Variants in ILRUN observed in about 807,000 individuals in gnomAD.
ILRUN encodes protein ILRUN.
A neutral mutation model predicts 33.8 loss-of-function variants in ILRUN; 3 were observed. That is an observed-to-expected ratio of 0.09 (90% CI 0.04 to 0.23). The LOEUF is 0.23. ILRUN is among the 10% of genes least tolerant of loss of function. The pLI is 1.00. For missense variants in ILRUN, 210 were observed against 375.1 expected, an observed-to-expected ratio of 0.56 and a Z score of 3.64; for synonymous variants, 124 against 138.9, an observed-to-expected ratio of 0.89 and a Z score of 0.75.
At chr6:34,685,854 G>A (rs530559072) in intron 1 of ILRUN, among the ~76,000 whole-genome samples, 1 of 152,102 alleles carries the variant, frequency 6.6e-6, no homozygotes, top group East Asian at 1.9e-4. Context: ...TCAAAATTAA[G>A]CTCCACAAAA....
intron 1 of ILRUN, among the ~76,000 whole-genome samples, chr6:34,678,348 AT>A (rs1403382643): frequency 6.6e-6 from 1 of 151,896 alleles, no homozygotes; most frequent in African/African-American, 2.4e-5. Context: ...GCTCTAATTT[AT>A]TTTTATTTTT....
At chr6:34,605,505 T>C (rs990717523) in intron 4 of ILRUN, among the ~76,000 whole-genome samples, 5 of 151,734 alleles carry the variant, frequency 3.3e-5, no homozygotes, top group Admixed American at 3.3e-4. Context: ...GGTGGGCACC[T>C]GTAATCCCAG....
At chr6:34,624,388 AT>A (rs1383523912) in intron 3 of ILRUN, among the ~76,000 whole-genome samples, 2 of 152,008 alleles carry the variant, frequency 1.3e-5, no homozygotes, top group African/African-American at 2.4e-5. Flanking sequence ...CAATAGTGTG[AT>A]GTCGGCTGAC....
chr6:34,596,685 C>T (rs771378731), intron 4 of ILRUN, among the ~76,000 whole-genome samples: 11 of 152,098 alleles, frequency 7.2e-5, no homozygotes, highest in Non-Finnish European at 1.0e-4. Context: ...TGAGAATGAG[C>T]GTGAGAACCA....
At chr6:34,614,148 T>C (rs932135285) in intron 3 of ILRUN, among the ~76,000 whole-genome samples, 1 of 152,022 alleles carries the variant, frequency 6.6e-6, no homozygotes, top group Admixed American at 6.6e-5. Flanking sequence ...CCTGGCTGGG[T>C]GCGGTGGCTC....
chr6:34,683,514 A>ATATGTG (rs1562033377), intron 1 of ILRUN, among the ~76,000 whole-genome samples: 1 of 65,964 alleles, frequency 1.5e-5, no homozygotes, highest in African/African-American at 1.2e-4. Flanking sequence ...ATATATATAT[A>ATATGTG]CATATATATA....
intron 4 of ILRUN, among the ~76,000 whole-genome samples, chr6:34,599,216 T>C (rs1045115250): frequency 1.3e-5 from 2 of 152,192 alleles, no homozygotes; most frequent in African/African-American, 4.8e-5. Flanking sequence ...TTATAATACT[T>C]CCCTATTATT....
At chr6:34,595,900 T>C in intron 4 of ILRUN, 1 of 985,456 alleles carries the variant, frequency 1.0e-6, no homozygotes, top group Non-Finnish European at 1.2e-6. Flanking sequence ...GGGTCAGTCC[T>C]GGTCAGTGCT....
At chr6:34,624,268 T>C (rs1762069524) in intron 3 of ILRUN, among the ~76,000 whole-genome samples, 1 of 152,242 alleles carries the variant, frequency 6.6e-6, no homozygotes, top group African/African-American at 2.4e-5. Context: ...TATTTATTAA[T>C]TCTATAACTA....
intron 1 of ILRUN, among the ~76,000 whole-genome samples, chr6:34,683,454 A>G (rs1348485201): frequency 2.0e-4 from 20 of 101,288 alleles, no homozygotes; most frequent in Admixed American, 7.7e-4. Context: ...ATATATATAC[A>G]TATATATACA....
chr6:34,682,318 C>T (rs1190621633), intron 1 of ILRUN, among the ~76,000 whole-genome samples: 4 of 138,702 alleles, frequency 2.9e-5, no homozygotes, highest in Non-Finnish European at 4.5e-5. Flanking sequence ...AGTGCGGTGG[C>T]GCGATCTCGG....
In ILRUN at chr6:34,589,962, G is replaced by A. The variant is rs1761264562; in HGVS notation, c.*603C>T. On this transcript the variant is annotated 3_prime_UTR_variant, in exon 5 of 5. Transcript: ENST00000374023. ...AAAGAGAAAAGAGGAGGAAAAGGGTGATAACTCATTGGCTGATGCCATTAA... is the reference window on the plus strand; with the variant it reads ...AAAGAGAAAAGAGGAGGAAAAGGGTAATAACTCATTGGCTGATGCCATTAA... The A allele has an allele frequency of 6.6e-6, 1 of 152,240 alleles. No individual in the cohort carries two copies. Among genetic ancestry groups the A allele is most frequent in the Admixed American group, 6.5e-5 (1 of 15,272 alleles). 9.4% of individuals were successfully genotyped at this position (152,240 alleles called of 1,614,324 possible).
At chr6:34,631,033 T>C (rs528878105) in intron 3 of ILRUN, among the ~76,000 whole-genome samples, 10 of 152,368 alleles carry the variant, frequency 6.6e-5, no homozygotes, top group Non-Finnish European at 1.0e-4. Flanking sequence ...TCATGTTGTC[T>C]ACTTTTTCCA....
At chr6:34,692,275 T>C (rs1424306048) in intron 1 of ILRUN, among the ~76,000 whole-genome samples, 1 of 152,238 alleles carries the variant, frequency 6.6e-6, no homozygotes, top group African/African-American at 2.4e-5. Flanking sequence ...GGTTTAATTT[T>C]AGAAGACTCA....
At chr6:34,606,474 A>C (rs1761632694) in intron 4 of ILRUN, 81 bp downstream of exon 4, 1 of 1,142,922 alleles carries the variant, frequency 8.7e-7, no homozygotes, top group Admixed American at 2.3e-5. Flanking sequence ...GCGGCAGTCT[A>C]GGATTCTAGG....
intron 3 of ILRUN, among the ~76,000 whole-genome samples, chr6:34,614,443 A>AAAAAAAAAATAT (rs71000073): frequency 7.5e-6 from 1 of 133,598 alleles, no homozygotes; most frequent in Non-Finnish European, 1.5e-5. Context: ...AAAAAAAAAA[A>AAAAAAAAAATAT]ATATATATAT....
At chr6:34,629,729 C>T (rs996041873) in intron 3 of ILRUN, among the ~76,000 whole-genome samples, 3 of 152,068 alleles carry the variant, frequency 2.0e-5, no homozygotes, top group Non-Finnish European at 4.4e-5. Context: ...AATTTTCAGC[C>T]GTATTGTTTC....
intron 3 of ILRUN, among the ~76,000 whole-genome samples, chr6:34,642,515 C>T (rs1490259434): frequency 2.0e-5 from 3 of 152,058 alleles, no homozygotes; most frequent in South Asian, 2.1e-4. Flanking sequence ...AGATGAAACA[C>T]GGCTTTACCA....
intron 3 of ILRUN, among the ~76,000 whole-genome samples, chr6:34,614,073 G>A (rs1405820256): frequency 9.9e-5 from 15 of 152,170 alleles, no homozygotes; most frequent in East Asian, 1.9e-4. Context: ...GGAACAATTC[G>A]AGCAACATAA....
Sources: gnomAD v4.1 joint callset for allele counts (sites outside exome capture counted in the v4.1 genomes callset) on GRCh38, gnomAD v4.1.1 for gene constraint, MANE v1.5 for transcripts, NCBI Gene and HGNC (gene_info 2026-07-23, HGNC 2026-07-21) for gene names.